The following LAMC3 variants were observed in gnomAD, a reference collection of about 807,000 sequenced individuals.
The protein encoded by LAMC3 is laminin subunit gamma 3, also known as laminin subunit gamma-3.
Under a neutral mutation model 173.8 loss-of-function variants are expected in LAMC3, and 128 were observed. That is an observed-to-expected ratio of 0.74 (90% confidence interval 0.64 to 0.85). The LOEUF (loss-of-function observed/expected upper bound fraction) is 0.85. Ranked by LOEUF, LAMC3 falls within the 40% of genes least tolerant of loss-of-function variation. The pLI, the probability that LAMC3 is intolerant of heterozygous loss-of-function variation, is 0.00. For synonymous variants in LAMC3, 897 were observed against 909.1 expected, an observed-to-expected ratio of 0.99 and a Z score of 0.24; for missense variants, 2,022 against 2,156.0, an observed-to-expected ratio of 0.94 and a Z score of 1.23.
intron 1 of LAMC3, among the ~76,000 whole-genome samples, chr9:131,013,439 C>T (rs901396296): frequency 1.3e-5 from 2 of 152,170 alleles, no homozygotes; most frequent in Non-Finnish European, 1.5e-5. Flanking sequence ...CCGCAGGTCC[C>T]GGATGTCCCT....
chr9:131,052,308 C>T (rs896833142), intron 9 of LAMC3, among the ~76,000 whole-genome samples, 183 bp from the exon 10 acceptor site: 20 of 152,170 alleles, frequency 1.3e-4, no homozygotes, highest in African/African-American at 4.6e-4. Context: ...AGTGTGGGGG[C>T]GTGTGTGACT....
At chr9:131,079,798 G>A (rs1483218235) in intron 23 of LAMC3, among the ~76,000 whole-genome samples, 1 of 152,066 alleles carries the variant, frequency 6.6e-6, no homozygotes, top group Non-Finnish European at 1.5e-5. Flanking sequence ...ACCCCGAGAA[G>A]AGATGATGGA....
intron 6 of LAMC3, among the ~76,000 whole-genome samples, chr9:131,040,833 C>T (rs1000781480): frequency 2.0e-5 from 3 of 152,212 alleles, no homozygotes; most frequent in African/African-American, 4.8e-5. Context: ...CCCCACAGTG[C>T]AGGCACAGCC....
At chr9:131,087,404 T>A in intron 25 of LAMC3, 72 bp from the exon 26 acceptor site, 1 of 1,569,148 alleles carries the variant, frequency 6.4e-7, no homozygotes, top group Non-Finnish European at 8.8e-7. Flanking sequence ...ATCATTGCCA[T>A]AAGAGCTATT....
At position 131,091,870 on chromosome 9, in the gene LAMC3, C is replaced by A; in HGVS notation, c.*83C>A. The A allele has an allele frequency of 6.5e-7, 1 of 1,529,088 alleles. No individual in the cohort carries two copies. The highest frequency in any genetic ancestry group is 8.9e-7 in the Non-Finnish European group (1 of 1,124,850). The allele number at this position is 1,529,088 out of a possible 1,614,324, so 94.7% of individuals were successfully genotyped here. ...GTGCACACTACCCCACAGGTGTGCC[C>A]ATACAGACATTCCCCGGAGCCGGCT... On this transcript the variant is annotated 3_prime_UTR_variant, in exon 28 of 28. Coordinates refer to ENST00000361069, the MANE Select transcript of LAMC3 (RefSeq NM_006059.4).
At chr9:131,073,382 A>G in intron 20 of LAMC3, 61 bp downstream of exon 20, 1 of 1,313,168 alleles carries the variant, frequency 7.6e-7, no homozygotes, top group African/African-American at 1.4e-5. Flanking sequence ...CCAGGGTCAG[A>G]GTCAGCCCCA....
intron 12 of LAMC3, among the ~76,000 whole-genome samples, chr9:131,059,349 A>G (rs1388759005): frequency 1.3e-5 from 2 of 149,948 alleles, no homozygotes; most frequent in East Asian, 2.0e-4. Flanking sequence ...AAAATTAGCC[A>G]GGCGTGGTGG....
At chr9:131,089,890 A>G (rs558232478) in intron 27 of LAMC3, among the ~76,000 whole-genome samples, 1 of 152,336 alleles carries the variant, frequency 6.6e-6, no homozygotes, top group Non-Finnish European at 1.5e-5. Flanking sequence ...TCTTTGACGC[A>G]AGGACAGTTA....
At chr9:131,089,393 T>G (rs576835526) in intron 27 of LAMC3, among the ~76,000 whole-genome samples, 1 of 152,182 alleles carries the variant, frequency 6.6e-6, no homozygotes, top group African/African-American at 2.4e-5. Context: ...TAAAATTTTT[T>G]TGGAGACAGG....
chr9:131,066,961 G>A lies in LAMC3; in HGVS notation c.2349G>A (p.Gly783=). 6.2e-7 allele frequency: 1 copy of A among 1,613,784 alleles called. No homozygotes were observed. Among genetic ancestry groups the A allele is most frequent in the Non-Finnish European group, 8.5e-7 (1 of 1,180,036 alleles). The change falls in exon 14 of 28, where the codon GGG becomes GGA. Residue 783 remains glycine, a splice_region_variant and synonymous_variant. Coordinates refer to ENST00000361069, the MANE Select transcript of LAMC3 (RefSeq NM_006059.4). The stretch of plus-strand genomic sequence containing the variant: ...CACACGTGCTCCCTCTACACACAGG[G>A]CGGCGCTGTGAGGTCTGTGATGATG... ...VCTHCPPGQR[G]RRCEVCDDGF...
chr9:131,041,764 G>T, intron 7 of LAMC3, 29 bp downstream of exon 7: 1 of 1,594,492 alleles, frequency 6.3e-7, no homozygotes, highest in Non-Finnish European at 8.6e-7. Context: ...CAGTAAGCTT[G>T]CTGGAAGTGA....
At chr9:131,065,162 C>T (rs1287013896) in intron 13 of LAMC3, among the ~76,000 whole-genome samples, 1 of 151,888 alleles carries the variant, frequency 6.6e-6, no homozygotes, top group Admixed American at 6.6e-5. Context: ...TAGATATAGG[C>T]AGAGAGATGG....
In LAMC3 at chr9:131,038,857, C is replaced by T. The variant is rs780119656; in HGVS notation, c.977-7C>T. ...ACTCACACACCTTTCCCCACTCCTG[C>T]CCATAGCCTGCAACTGCAGTGGCCG... On this transcript the variant is annotated splice_polypyrimidine_tract_variant and splice_region_variant and intron_variant, in intron 4 of 27. Coordinates refer to ENST00000361069, the MANE Select transcript of LAMC3 (RefSeq NM_006059.4). 1.7e-5 allele frequency: 27 copies of T among 1,612,640 alleles called. No individual in the cohort carries two copies. The South Asian group carries it at 3.0e-4, about 18-fold the overall frequency.
intron 27 of LAMC3, among the ~76,000 whole-genome samples, chr9:131,088,776 GTC>G (rs1192091649): frequency 1.3e-5 from 2 of 151,854 alleles, no homozygotes; most frequent in Non-Finnish European, 2.9e-5. Context: ...TCTACTTTCT[GTC>G]TCTATGAATT....
chr9:131,072,570 G>A (rs1186065719), intron 18 of LAMC3, 60 bp from the exon 19 acceptor site: 1 of 1,441,734 alleles, frequency 6.9e-7, no homozygotes, highest in African/African-American at 1.4e-5. Context: ...CCCTGGGGGT[G>A]GGGGCTTTTG....
At chr9:131,010,680 T>A (rs1448202114) in intron 1 of LAMC3, among the ~76,000 whole-genome samples, 1 of 152,248 alleles carries the variant, frequency 6.6e-6, no homozygotes, top group African/African-American at 2.4e-5. Context: ...AGGCAAAGTT[T>A]AACCCTCTGG....
intron 6 of LAMC3, among the ~76,000 whole-genome samples, chr9:131,041,366 C>CAAAAAAAAAAAA (rs10526087): frequency 0.039 from 4,412 of 113,364 alleles, 268 homozygotes; most frequent in African/African-American, 0.12. Flanking sequence ...GACTCTGTCC[C>CAAAAAAAAAAAA]AAAAAAAAAG....
intron 1 of LAMC3, among the ~76,000 whole-genome samples, chr9:131,022,474 C>G (rs984659989): frequency 6.6e-6 from 1 of 152,084 alleles, no homozygotes; most frequent in Non-Finnish European, 1.5e-5. Flanking sequence ...TATAATTTAC[C>G]CATTTAAACT....
intron 11 of LAMC3, among the ~76,000 whole-genome samples, chr9:131,053,925 G>C (rs998629976): frequency 1.3e-5 from 2 of 151,784 alleles, no homozygotes; most frequent in Admixed American, 1.3e-4. Flanking sequence ...CTGGAGGATC[G>C]CTTGAGCCCA....
Sources: gnomAD v4.1 joint callset for allele counts (sites outside exome capture counted in the v4.1 genomes callset) on GRCh38, gnomAD v4.1.1 for gene constraint, MANE v1.5 for transcripts, NCBI Gene and HGNC (gene_info 2026-07-23, HGNC 2026-07-21) for gene names.